BCAS3: variants seen among roughly 807,000 people sequenced by gnomAD.
The protein encoded by BCAS3 is BCAS3 microtubule associated cell migration factor, also known as BCAS4/BCAS3 fusion.
BCAS3 carries 53 observed loss-of-function variants against 116.1 expected under a neutral mutation model. That is an observed-to-expected ratio of 0.46 (90% CI 0.37 to 0.57). The LOEUF (loss-of-function observed/expected upper bound fraction) is 0.57. Ranked by LOEUF, BCAS3 falls within the 20% of genes least tolerant of loss-of-function variation. The pLI is 0.00. For synonymous variants in BCAS3, 391 were observed against 408.2 expected (o/e 0.96, Z 0.51); for missense variants, 917 against 1,165.4 (o/e 0.79, Z 3.10).
chr17:61,387,896 A>G lies in BCAS3; in HGVS notation c.2594-4081A>G, dbSNP rs2059934787. ...ACATCCCTGGAGAGTGCAAGGTCAC[A>G]ATGAGGTGACTGGGTCTAGCCACTT... On this transcript the variant is annotated intron_variant, in intron 23 of 23. Transcript: ENST00000407086. This position sits in a 1 kb window ranked among gnomAD's most constrained non-coding sequence, Gnocchi z 6.2. Among the ~76,000 whole-genome samples the G allele has an allele frequency of 1.3e-5, 2 of 152,110 alleles. No individual in the cohort carries two copies. Among genetic ancestry groups the G allele is most frequent in the African/African-American group, 4.8e-5 (2 of 41,412 alleles).
chr17:61,291,334 G>T (rs1202419183), intron 22 of BCAS3, among the ~76,000 whole-genome samples: 2 of 152,086 alleles, frequency 1.3e-5, no homozygotes, highest in Non-Finnish European at 2.9e-5. Context: ...AAAAATAAAG[G>T]CCACTTTTAA....
In BCAS3 at chr17:61,258,093, C is replaced by T. The variant is rs1051545363; in HGVS notation, c.2426-110234C>T. Among the ~76,000 whole-genome samples the T allele has an allele frequency of 2.6e-5, 4 of 152,196 alleles. No homozygotes were observed. The highest frequency in any genetic ancestry group is 5.9e-5 in the Non-Finnish European group (4 of 68,044). ...GTGTCCTTCATACACTCCTGGTTAA[C>T]CACCTACAGGATTTCTACTCACCTT... is the stretch of plus-strand genomic sequence containing the variant. On this transcript the variant is annotated intron_variant, in intron 22 of 23. Transcript: ENST00000407086. The surrounding 1 kb of genome is among the most constrained non-coding windows in gnomAD (Gnocchi z 4.7).
At position 61,233,369 on chromosome 17, in the gene BCAS3, A is replaced by C. The variant is rs1423186880; in HGVS notation, c.2426-134958A>C. Among the ~76,000 whole-genome samples the C allele has an allele frequency of 2.0e-5, 3 of 152,220 alleles. No homozygotes were observed. The highest frequency in any genetic ancestry group is 4.8e-5 in the African/African-American group (2 of 41,456). ...ACTCTGTGGCTAATGGCTTTTGCAG[A>C]AGTGATTCTACAACTAAAGATGCCA... On this transcript the variant is annotated intron_variant, in intron 22 of 23. Coordinates refer to ENST00000407086, the MANE Select transcript of BCAS3 (RefSeq NM_017679.5). This position sits in a 1 kb window ranked among gnomAD's most constrained non-coding sequence, Gnocchi z 4.3.
Position 61,348,709 on chromosome 17 carries a change from T to G in BCAS3, c.2426-19618T>G, listed in dbSNP as rs1180821901. ...CATTGTACCTAAGCTGCCATGATCATGGGAGGACAGTCACGTGCTTCTTGC... is the reference window on the plus strand; with the variant it reads ...CATTGTACCTAAGCTGCCATGATCAGGGGAGGACAGTCACGTGCTTCTTGC... On this transcript the variant is annotated intron_variant, in intron 22 of 23. Coordinates refer to ENST00000407086, the MANE Select transcript of BCAS3 (RefSeq NM_017679.5). This position sits in a 1 kb window ranked among gnomAD's most constrained non-coding sequence, Gnocchi z 4.5. Among the ~76,000 whole-genome samples, 1 of 151,192 alleles carries G rather than the reference T, an allele frequency of 6.6e-6. No individual in the cohort carries two copies. The highest frequency in any genetic ancestry group is 1.5e-5 in the Non-Finnish European group (1 of 67,892).
In BCAS3 at chr17:60,947,217, A is replaced by G. The variant is rs1177947471; in HGVS notation, c.1088-2A>G. On this transcript the variant is annotated splice_acceptor_variant, in intron 13 of 23. Transcript: ENST00000407086. LOFTEE classifies it high-confidence loss of function. Reference sequence around the variant, plus strand: ...TTTTACCCTTTGTTTTTTGTCTTCCAGGAATGCTTCTAGTCACAACAGACA... The same window carrying G: ...TTTTACCCTTTGTTTTTTGTCTTCCGGGAATGCTTCTAGTCACAACAGACA... 6.2e-7 allele frequency: 1 copy of G among 1,609,356 alleles called. No individual in the cohort carries two copies. Among genetic ancestry groups the G allele is most frequent in the Non-Finnish European group, 8.5e-7 (1 of 1,177,398 alleles).
chr17:60,991,979 T>C (rs2063552111), intron 15 of BCAS3, among the ~76,000 whole-genome samples: 1 of 152,170 alleles, frequency 6.6e-6, no homozygotes. Context: ...TATATTCCAT[T>C]GTAGGAATGT....
At chr17:61,108,758 A>G (rs1365272129) in intron 22 of BCAS3, among the ~76,000 whole-genome samples, 31 of 150,208 alleles carry the variant, frequency 2.1e-4, no homozygotes, top group Non-Finnish European at 4.4e-5. Context: ...ATCCTTTGCC[A>G]CCCCTCACTC....
chr17:60,838,054 T>TA, intron 7 of BCAS3, among the ~76,000 whole-genome samples: 1 of 152,226 alleles, frequency 6.6e-6, no homozygotes, highest in South Asian at 2.1e-4. Flanking sequence ...AAAACAGTGA[T>TA]ACAAGAACTC....
At chr17:60,910,031 A>T (rs553140161) in intron 11 of BCAS3, among the ~76,000 whole-genome samples, 1 of 152,262 alleles carries the variant, frequency 6.6e-6, no homozygotes, top group East Asian at 1.9e-4. Context: ...ATAACAGCAT[A>T]TTCATAGATT....
intron 22 of BCAS3, among the ~76,000 whole-genome samples, chr17:61,158,342 A>G (rs1031821830): frequency 2.0e-5 from 3 of 152,182 alleles, no homozygotes; most frequent in African/African-American, 7.2e-5. Flanking sequence ...AAGGGATAGA[A>G]TATGTGCATG....
chr17:60,988,618 C>A (rs948664664), intron 14 of BCAS3, among the ~76,000 whole-genome samples: 1 of 151,900 alleles, frequency 6.6e-6, no homozygotes, highest in African/African-American at 2.4e-5. Context: ...ATGATTCAAT[C>A]TTGTTAGGTT....
Position 61,364,772 on chromosome 17 carries a change from G to A in BCAS3, c.2426-3555G>A, listed in dbSNP as rs1222410034. ...TGCTGAGGGAAACAGTGTGTGAGCT[G>A]ACAGAATGAGCTCCAAGCTAAGAAT... On this transcript the variant is annotated intron_variant, in intron 22 of 23. Coordinates refer to ENST00000407086, the MANE Select transcript of BCAS3 (RefSeq NM_017679.5). This position sits in a 1 kb window ranked among gnomAD's most constrained non-coding sequence, Gnocchi z 5.4. Among the ~76,000 whole-genome samples the A allele has an allele frequency of 6.6e-6, 1 of 152,220 alleles. No individual in the cohort carries two copies. Among genetic ancestry groups the A allele is most frequent in the Non-Finnish European group, 1.5e-5 (1 of 68,048 alleles).
Position 61,035,531 on chromosome 17 carries a change from C to T in BCAS3, c.1762+741C>T, listed in dbSNP as rs145396084. Among the ~76,000 whole-genome samples, 1,277 of 141,524 alleles carry T rather than the reference C, an allele frequency of 9.0e-3. 18 individuals are homozygous for T. The highest frequency in any genetic ancestry group is 0.033 in the African/African-American group (1,207 of 36,154). 92.8% of individuals were successfully genotyped at this position (141,524 alleles called of 152,430 possible). On this transcript the variant is annotated intron_variant, in intron 17 of 23. Coordinates refer to ENST00000407086, the MANE Select transcript of BCAS3 (RefSeq NM_017679.5). ...TCGGGAGGCAGAGGTTGCAGTGAGC[C>T]GAGATCACGTCACTGCACTCCAGCC...
In BCAS3 at chr17:61,007,636, A is replaced by G. The variant is rs570425080; in HGVS notation, c.1487-8115A>G. 6.6e-6 allele frequency among the ~76,000 whole-genome samples: 1 copy of G among 151,924 alleles called. No individual in the cohort carries two copies. Among genetic ancestry groups the G allele is most frequent in the African/African-American group, 2.4e-5 (1 of 41,380 alleles). On this transcript the variant is annotated intron_variant, in intron 15 of 23. Coordinates refer to ENST00000407086, the MANE Select transcript of BCAS3 (RefSeq NM_017679.5). The surrounding 1 kb of genome is among the most constrained non-coding windows in gnomAD (Gnocchi z 4.3). ...TTTAATAAGCCCTAGGCAAAGCTCC[A>G]TGCAGGCTACTTTGTATGTAGTGGG...
intron 19 of BCAS3, among the ~76,000 whole-genome samples, chr17:61,058,455 G>A (rs955755867): frequency 4.6e-5 from 7 of 152,038 alleles, no homozygotes; most frequent in Non-Finnish European, 8.8e-5. Flanking sequence ...TGAGGATAGC[G>A]TTTTTTTCTT....
intron 9 of BCAS3, chr17:60,886,571 T>G (rs1408176917): frequency 6.6e-6 from 1 of 150,754 alleles, no homozygotes; most frequent in African/African-American, 2.4e-5. Context: ...CCCATCTTTG[T>G]GGTTTTATCT....
At chr17:60,996,395 C>T (rs1315368300) in intron 15 of BCAS3, among the ~76,000 whole-genome samples, 1 of 151,932 alleles carries the variant, frequency 6.6e-6, no homozygotes, top group Non-Finnish European at 1.5e-5. Flanking sequence ...TATGGTATGG[C>T]GATCAGAATT....
intron 5 of BCAS3, among the ~76,000 whole-genome samples, chr17:60,709,860 TGAA>T (rs1865060107): frequency 6.6e-6 from 1 of 152,244 alleles, no homozygotes; most frequent in Non-Finnish European, 1.5e-5. Flanking sequence ...ATGTCCTAAA[TGAA>T]GAAGAGGCAT....
rs1383280301 is a variant in BCAS3 at position 60,956,458 on chromosome 17, C to T, written c.1221+9106C>T. Among the ~76,000 whole-genome samples, 1 of 152,220 alleles carries T rather than the reference C, an allele frequency of 6.6e-6. No individual in the cohort carries two copies. Among genetic ancestry groups the T allele is most frequent in the Non-Finnish European group, 1.5e-5 (1 of 68,036 alleles). ...CCCATCTGTTCTAGTCACTGAGATG[C>T]TCTACCTCATCTCTGACCTTTTAGA... On this transcript the variant is annotated intron_variant, in intron 14 of 23. Transcript: ENST00000407086. This position sits in a 1 kb window ranked among gnomAD's most constrained non-coding sequence, Gnocchi z 4.2.
Sources: gnomAD v4.1 joint callset for allele counts (sites outside exome capture counted in the v4.1 genomes callset) on GRCh38, gnomAD v4.1.1 for gene constraint, Gnocchi (gnomAD v3.1) non-coding constraint, MANE v1.5 for transcripts, NCBI Gene and HGNC (gene_info 2026-07-23, HGNC 2026-07-21) for gene names.